LOC128462377: variants seen among roughly 807,000 people sequenced by gnomAD.
the LOC128462377 span, among the ~76,000 whole-genome samples, chr16:89,406,110 A>C: frequency 2.4e-5 from 3 of 127,442 alleles, no homozygotes; most frequent in Non-Finnish European, 3.2e-5. Flanking sequence ...ATTCCATCTC[A>C]AAAAAAAAAA....
chr16:89,390,190 G>A, the LOC128462377 span, among the ~76,000 whole-genome samples: 1 of 118,314 alleles, frequency 8.5e-6, no homozygotes, highest in Non-Finnish European at 1.8e-5. Context: ...CACCGAGAGA[G>A]AAGATCACTG....
the LOC128462377 span, among the ~76,000 whole-genome samples, chr16:89,381,140 T>C: frequency 6.6e-6 from 1 of 152,034 alleles, no homozygotes; most frequent in African/African-American, 2.4e-5. Context: ...CCGGCCAACA[T>C]GGCGAAACCC....
the LOC128462377 span, among the ~76,000 whole-genome samples, chr16:89,407,852 CAAAAAAA>C: frequency 5.4e-5 from 6 of 111,436 alleles, no homozygotes; most frequent in Admixed American, 1.0e-4. Flanking sequence ...TGTCTCCCTC[CAAAAAAA>C]AAAAAAAAAA....
At chr16:89,356,323 G>A in the LOC128462377 span, among the ~76,000 whole-genome samples, 989 of 151,930 alleles carry the variant, frequency 6.5e-3, 41 homozygotes, top group Admixed American at 0.047. Flanking sequence ...CACAGTTCTC[G>A]GTGGCAAGCC....
chr16:89,364,330 G>A, the LOC128462377 span, among the ~76,000 whole-genome samples: 3 of 152,178 alleles, frequency 2.0e-5, no homozygotes, highest in African/African-American at 7.2e-5. Flanking sequence ...GGCAACACAA[G>A]AATTAAGAGA....
At chr16:89,326,550 G>A in the LOC128462377 span, among the ~76,000 whole-genome samples, 26 of 152,076 alleles carry the variant, frequency 1.7e-4, no homozygotes, top group African/African-American at 6.3e-4. Flanking sequence ...TTTGAGACCC[G>A]GGCAATGTAG....
the LOC128462377 span, among the ~76,000 whole-genome samples, chr16:89,321,946 G>A: frequency 1.3e-5 from 2 of 152,202 alleles, no homozygotes; most frequent in Non-Finnish European, 1.5e-5. Flanking sequence ...GCTGCTGCGC[G>A]AGGCTTAAGT....
At chr16:89,408,750 C>A in the LOC128462377 span, among the ~76,000 whole-genome samples, 1 of 152,164 alleles carries the variant, frequency 6.6e-6, no homozygotes, top group Non-Finnish European at 1.5e-5. Flanking sequence ...ACTGATCAGC[C>A]GTGGAATCCT....
At chr16:89,335,640 G>A in the LOC128462377 span, among the ~76,000 whole-genome samples, 1 of 152,196 alleles carries the variant, frequency 6.6e-6, no homozygotes, top group African/African-American at 2.4e-5. Context: ...ACAAGCTGAG[G>A]TAAGATGACA....
chr16:89,340,621 C>T, the LOC128462377 span, among the ~76,000 whole-genome samples: 1 of 152,236 alleles, frequency 6.6e-6, no homozygotes, highest in Non-Finnish European at 1.5e-5. Flanking sequence ...CAAGGGGAAA[C>T]AGTACTTTGC....
At chr16:89,413,132 T>A in the LOC128462377 span, among the ~76,000 whole-genome samples, 1 of 152,190 alleles carries the variant, frequency 6.6e-6, no homozygotes, top group African/African-American at 2.4e-5. Context: ...CAGGTCTAAC[T>A]TAAATGACAC....
the LOC128462377 span, among the ~76,000 whole-genome samples, chr16:89,336,566 T>C: frequency 6.6e-6 from 1 of 152,210 alleles, no homozygotes; most frequent in Non-Finnish European, 1.5e-5. Context: ...CCTTCTGCAC[T>C]GGTGGGAACC....
chr16:89,326,701 C>G, the LOC128462377 span, among the ~76,000 whole-genome samples: 1 of 152,260 alleles, frequency 6.6e-6, no homozygotes, highest in Admixed American at 6.5e-5. Flanking sequence ...AAGATTGCAC[C>G]ACTGCACTCC....
chr16:89,382,491 A>C, the LOC128462377 span, among the ~76,000 whole-genome samples: 6 of 149,054 alleles, frequency 4.0e-5, no homozygotes, highest in Admixed American at 3.4e-4. Flanking sequence ...AAGCCTGGCT[A>C]ATTTTTTGTA....
chr16:89,373,825 T>C, the LOC128462377 span, among the ~76,000 whole-genome samples: 1 of 152,212 alleles, frequency 6.6e-6, no homozygotes, highest in African/African-American at 2.4e-5. Flanking sequence ...GGTTACAAGA[T>C]TGGTAGAACC....
At chr16:89,412,972 A>T in the LOC128462377 span, among the ~76,000 whole-genome samples, 1 of 152,044 alleles carries the variant, frequency 6.6e-6, no homozygotes, top group Non-Finnish European at 1.5e-5. Flanking sequence ...CATGAGGGAA[A>T]ACAGCTGACA....
chr16:89,403,647 T>C, the LOC128462377 span: 1 of 152,126 alleles, frequency 6.6e-6, no homozygotes, highest in African/African-American at 2.4e-5. Context: ...AACACTTCTT[T>C]AGGTGAGCAC....
chr16:89,333,367 A>G, the LOC128462377 span, among the ~76,000 whole-genome samples: 17 of 152,328 alleles, frequency 1.1e-4, no homozygotes, highest in South Asian at 3.3e-3. Flanking sequence ...CCCTGGACAC[A>G]GCATCATCAC....
the LOC128462377 span, among the ~76,000 whole-genome samples, chr16:89,388,292 G>GTTTTTTTTTT: frequency 1.6e-5 from 1 of 61,062 alleles, no homozygotes; most frequent in Admixed American, 1.7e-4. Flanking sequence ...CCATGAGGCT[G>GTTTTTTTTTT]ATTTTTTTTT....
Sources: gnomAD v4.1 joint callset for allele counts (sites outside exome capture counted in the v4.1 genomes callset) on GRCh38, gnomAD v4.1.1 for gene constraint, MANE v1.5 for transcripts.